ADAMTS3: variants seen among roughly 807,000 people sequenced by gnomAD.
ADAMTS3 encodes ADAM metallopeptidase with thrombospondin type 1 motif 3, also known as A disintegrin and metalloproteinase with thrombospondin motifs 3.
A neutral mutation model predicts 129.0 loss-of-function variants in ADAMTS3; 73 were observed. The ratio of observed to expected loss-of-function variants is 0.57; its 90% CI spans 0.47 to 0.69. The LOEUF (loss-of-function observed/expected upper bound fraction) is 0.69. ADAMTS3 is among the 30% of genes least tolerant of loss of function. The pLI, the probability that ADAMTS3 is intolerant of heterozygous loss-of-function variation, is 0.00. For synonymous variants in ADAMTS3, 477 were observed against 510.8 expected, an observed-to-expected ratio of 0.93 and a Z score of 0.89; for missense variants, 1,457 against 1,514.5, an observed-to-expected ratio of 0.96 and a Z score of 0.63.
chr4:72,327,588 G>A (rs1490460295), intron 5 of ADAMTS3, among the ~76,000 whole-genome samples: 2 of 152,156 alleles, frequency 1.3e-5, no homozygotes, highest in African/African-American at 4.8e-5. Context: ...GCCCAGAGAA[G>A]TTAAGTAACT....
At chr4:72,495,846 C>T (rs1221262757) in intron 3 of ADAMTS3, among the ~76,000 whole-genome samples, 1 of 152,132 alleles carries the variant, frequency 6.6e-6, no homozygotes, top group East Asian at 1.9e-4. Flanking sequence ...ATAATACAAA[C>T]CTACTATACA....
At chr4:72,494,239 G>A (rs1360644688) in intron 3 of ADAMTS3, among the ~76,000 whole-genome samples, 1 of 152,062 alleles carries the variant, frequency 6.6e-6, no homozygotes, top group Non-Finnish European at 1.5e-5. Flanking sequence ...GATGCATCAT[G>A]AGTCTCATAA....
intron 4 of ADAMTS3, among the ~76,000 whole-genome samples, chr4:72,378,162 A>G (rs1270292795): frequency 2.6e-5 from 4 of 152,154 alleles, no homozygotes; most frequent in South Asian, 2.1e-4. Flanking sequence ...TTCCTTCATC[A>G]GTTTCCATTA....
chr4:72,528,061 C>T (rs2109752756), intron 3 of ADAMTS3, among the ~76,000 whole-genome samples: 1 of 152,230 alleles, frequency 6.6e-6, no homozygotes, highest in East Asian at 1.9e-4. Flanking sequence ...GGACATTAAA[C>T]AAGTAATGTA....
chr4:72,447,925 T>A (rs989518937), intron 3 of ADAMTS3, among the ~76,000 whole-genome samples: 1 of 151,736 alleles, frequency 6.6e-6, no homozygotes, highest in Non-Finnish European at 1.5e-5. Context: ...CACATCATAA[T>A]GCTACTTACA....
chr4:72,552,472 A>G (rs945026420), intron 2 of ADAMTS3, among the ~76,000 whole-genome samples: 1 of 152,208 alleles, frequency 6.6e-6, no homozygotes, highest in African/African-American at 2.4e-5. Flanking sequence ...AGTAATAGGT[A>G]TGTGAAGGCT....
At chr4:72,480,587 C>T (rs1191980090) in intron 3 of ADAMTS3, among the ~76,000 whole-genome samples, 3 of 151,676 alleles carry the variant, frequency 2.0e-5, no homozygotes, top group Non-Finnish European at 2.9e-5. Flanking sequence ...GGAGATATAC[C>T]TAATGCTAAA....
chr4:72,403,166 C>A (rs761023345), intron 4 of ADAMTS3, among the ~76,000 whole-genome samples: 16 of 151,996 alleles, frequency 1.1e-4, no homozygotes, highest in Non-Finnish European at 1.8e-4. Context: ...TTGAAGAAGA[C>A]TAAAACAGAT....
At chr4:72,306,704 T>G (rs1291990056) in intron 15 of ADAMTS3, among the ~76,000 whole-genome samples, 11 of 151,956 alleles carry the variant, frequency 7.2e-5, no homozygotes, top group African/African-American at 2.7e-4. Context: ...AACCACTTAG[T>G]TGGAAAATGT....
chr4:72,324,110 A>G (rs1719635970), intron 5 of ADAMTS3, among the ~76,000 whole-genome samples: 1 of 152,212 alleles, frequency 6.6e-6, no homozygotes, highest in Non-Finnish European at 1.5e-5. Context: ...ATGAAAAACT[A>G]ACTGCAACTC....
rs377677990 is a variant in ADAMTS3 at position 72,322,974 on chromosome 4, A to C, written c.945+40T>G. ...AATTTAGTCTTCTATTTGCTAACCC[A>C]GTCCCTAATGTTTATAATTCATGTT... On this transcript the variant is annotated intron_variant, in intron 6 of 21. Coordinates refer to ENST00000286657, the MANE Select transcript of ADAMTS3 (RefSeq NM_014243.3). 763 of 1,484,518 alleles carry C rather than the reference A, an allele frequency of 5.1e-4. 3 individuals are homozygous for C. Among genetic ancestry groups the C allele is most frequent in the Middle Eastern group, 1.7e-4 (1 of 5,836 alleles). 92.0% of individuals were successfully genotyped at this position (1,484,518 alleles called of 1,614,324 possible).
At chr4:72,476,865 G>A (rs183869673) in intron 3 of ADAMTS3, among the ~76,000 whole-genome samples, 1 of 152,142 alleles carries the variant, frequency 6.6e-6, no homozygotes, top group Non-Finnish European at 1.5e-5. Context: ...CAACTTTCAA[G>A]AATCAATCAA....
chr4:72,302,472 T>G (rs1229698456), intron 17 of ADAMTS3, among the ~76,000 whole-genome samples: 5 of 151,918 alleles, frequency 3.3e-5, no homozygotes, highest in Non-Finnish European at 5.9e-5. Context: ...TAAAAAAGAT[T>G]ATAAAGGATG....
At chr4:72,421,423 CA>C (rs1468511189) in intron 3 of ADAMTS3, among the ~76,000 whole-genome samples, 1 of 152,140 alleles carries the variant, frequency 6.6e-6, no homozygotes. Flanking sequence ...AGGTGCATAA[CA>C]CTTGAGGGAG....
intron 2 of ADAMTS3, among the ~76,000 whole-genome samples, chr4:72,557,707 C>A (rs1478848284): frequency 1.3e-5 from 2 of 151,476 alleles, no homozygotes; most frequent in African/African-American, 4.9e-5. Context: ...TAGGAAAGAA[C>A]AACACATTCT....
chr4:72,373,843 T>A (rs535508287), intron 4 of ADAMTS3, among the ~76,000 whole-genome samples: 166 of 151,000 alleles, frequency 1.1e-3, no homozygotes, highest in Middle Eastern at 6.8e-3. Flanking sequence ...GAGTCTGCAG[T>A]GAACCAAGAT....
At chr4:72,481,657 T>C (rs1044375889) in intron 3 of ADAMTS3, among the ~76,000 whole-genome samples, 1 of 152,050 alleles carries the variant, frequency 6.6e-6, no homozygotes, top group African/African-American at 2.4e-5. Context: ...TCTTATGACA[T>C]GAACCATAAA....
chr4:72,310,584 T>C (rs1183767171), intron 14 of ADAMTS3, among the ~76,000 whole-genome samples: 2 of 152,142 alleles, frequency 1.3e-5, no homozygotes, highest in East Asian at 3.8e-4. Flanking sequence ...TGTTTGCTTC[T>C]CTACTACTTT....
At chr4:72,496,455 G>A (rs554529414) in intron 3 of ADAMTS3, among the ~76,000 whole-genome samples, 22 of 152,214 alleles carry the variant, frequency 1.4e-4, no homozygotes, top group Admixed American at 9.8e-4. Context: ...GCATCAGCCT[G>A]ATCCTTTCCA....
Sources: allele counts gnomAD v4.1 joint callset (sites outside exome capture counted in the v4.1 genomes callset), GRCh38; gene constraint gnomAD v4.1.1; transcripts MANE v1.5; gene names NCBI Gene and HGNC (gene_info 2026-07-23, HGNC 2026-07-21).